The following SPIN4 variants were observed in gnomAD, a reference collection of about 807,000 sequenced individuals.
The protein encoded by SPIN4 is spindlin family member 4, also known as spindlin-4.
SPIN4 carries 4 observed loss-of-function variants against 10.4 expected under a neutral mutation model. The observed-to-expected ratio is 0.38, with a 90% confidence interval of 0.19 to 0.88. SPIN4 has a LOEUF of 0.88. Among genes scored for constraint, SPIN4 ranks in the 40% least tolerant of loss-of-function variants. The pLI is 0.40. For synonymous variants in SPIN4, 71 were observed against 78.4 expected (o/e 0.91, Z 0.50); for missense variants, 126 against 198.7 (o/e 0.63, Z 2.20).
chrX:63,348,562 T>G lies in SPIN4; in HGVS notation c.*1508A>C, dbSNP rs1932960749. 9.1e-6 allele frequency: 1 copy of G among 110,134 alleles called. No homozygotes were observed. Among genetic ancestry groups the G allele is most frequent in the Non-Finnish European group, 1.9e-5 (1 of 52,645 alleles). The allele number at this position is 110,134 out of a possible 1,213,427, so 9.1% of individuals were successfully genotyped here. On this transcript the variant is annotated 3_prime_UTR_variant, in exon 1 of 1. Coordinates refer to ENST00000374884, the MANE Select transcript of SPIN4 (RefSeq NM_001012968.3). ...TAGAATTTTATTAAAATTCTGCATT[T>G]CATTTTTTCACATGAAAAAATGAAT...
chrX:63,350,860 G>T lies in SPIN4; in HGVS notation c.-41C>A, dbSNP rs782722308. The T allele has an allele frequency of 6.0e-6, 7 of 1,157,353 alleles. No individual in the cohort carries two copies. Among genetic ancestry groups the T allele is most frequent in the Middle Eastern group, 2.4e-4 (1 of 4,108 alleles). Reference sequence around the variant, plus strand: ...AGGGCTTGGGGAAAGCTGCTGCCCTGGTCGATTAAACTGACAAAAAGTCAA... The same window carrying T: ...AGGGCTTGGGGAAAGCTGCTGCCCTTGTCGATTAAACTGACAAAAAGTCAA... On this transcript the variant is annotated 5_prime_UTR_variant, in exon 1 of 1. Transcript: ENST00000374884.
In SPIN4 at chrX:63,347,581, A is replaced by T. The variant is rs1248765672; in HGVS notation, c.*2489T>A. 1 of 111,719 alleles carries T rather than the reference A, an allele frequency of 9.0e-6. No homozygotes were observed. The highest frequency in any genetic ancestry group is 1.9e-5 in the Non-Finnish European group (1 of 52,926). 9.2% of individuals were successfully genotyped at this position (111,719 alleles called of 1,213,427 possible). A position where few individuals can be genotyped will look rare whatever the true frequency, so the allele number is the denominator to read the frequency against. On this transcript the variant is annotated 3_prime_UTR_variant, in exon 1 of 1. Coordinates refer to ENST00000374884, the MANE Select transcript of SPIN4 (RefSeq NM_001012968.3). ...CCAGACCACAGGAAAAAAATTGAAAACTCACATATTCATATTTTTTTAAAG... is the reference window on the plus strand; with the variant it reads ...CCAGACCACAGGAAAAAAATTGAAATCTCACATATTCATATTTTTTTAAAG...
chrX:63,351,049 C>G lies in SPIN4; in HGVS notation c.-230G>C. The G allele has an allele frequency of 2.7e-6, 1 of 364,221 alleles. No individual in the cohort carries two copies. Among genetic ancestry groups the G allele is most frequent in the Non-Finnish European group, 4.8e-6 (1 of 207,817 alleles). 30.0% of individuals were successfully genotyped at this position (364,221 alleles called of 1,213,427 possible). A position where few individuals can be genotyped will look rare whatever the true frequency, so the allele number is the denominator to read the frequency against. ...TCTCCACAGTGCTTTCCTCTCTCGC[C>G]CTAGAAGGGTTACTGCAGCAGTGGC... is the stretch of plus-strand genomic sequence containing the variant. On this transcript the variant is annotated 5_prime_UTR_variant, in exon 1 of 1. Transcript: ENST00000374884.
Position 63,347,427 on chromosome X carries a change from T to A in SPIN4, c.*2643A>T, listed in dbSNP as rs1162724603. Reference sequence around the variant, plus strand: ...TTAATAAAAAGCCTGAATAAACCAATAACTATTAAAGAAATCACAAAGCTG... The same window carrying A: ...TTAATAAAAAGCCTGAATAAACCAAAAACTATTAAAGAAATCACAAAGCTG... On this transcript the variant is annotated 3_prime_UTR_variant, in exon 1 of 1. Coordinates refer to ENST00000374884, the MANE Select transcript of SPIN4 (RefSeq NM_001012968.3). 1 of 111,752 alleles carries A rather than the reference T, an allele frequency of 8.9e-6. No homozygotes were observed. The highest frequency in any genetic ancestry group is 1.9e-5 in the Non-Finnish European group (1 of 53,048). The allele number at this position is 111,752 out of a possible 1,213,427, so 9.2% of individuals were successfully genotyped here. A position where few individuals can be genotyped will look rare whatever the true frequency, so the allele number is the denominator to read the frequency against.
rs1169221111 is a variant in SPIN4 at position 63,350,678 on chromosome X, C to A, written c.142G>T (p.Gly48Cys). The change falls in exon 1 of 1, where the codon GGC becomes TGC. Residue 48 changes from glycine (G) to cysteine (C), a missense_variant. Coordinates refer to ENST00000374884, the MANE Select transcript of SPIN4 (RefSeq NM_001012968.3). ...ACTGGCTCGTTGCCTTCCTTCCAGC[C>A]GTGTTGAATGCGGCAGCCCACGATG... ...RNIVGCRIQHGWKEGNEPVEQ... is the reference protein window; with the variant it reads ...RNIVGCRIQHCWKEGNEPVEQ... 1.7e-6 allele frequency: 2 copies of A among 1,211,541 alleles called. No homozygotes were observed. The highest frequency in any genetic ancestry group is 2.2e-6 in the Non-Finnish European group (2 of 895,378).
Position 63,349,939 on chromosome X carries a change from G to C in SPIN4, c.*131C>G. Reference sequence around the variant, plus strand: ...TGTGAAACTAGTCAAGGTAAGATTTGTTGGCACAATAAAATTTATCCACTT... The same window carrying C: ...TGTGAAACTAGTCAAGGTAAGATTTCTTGGCACAATAAAATTTATCCACTT... On this transcript the variant is annotated 3_prime_UTR_variant, in exon 1 of 1. Transcript: ENST00000374884. 1 of 739,737 alleles carries C rather than the reference G, an allele frequency of 1.4e-6. No homozygotes were observed. The highest frequency in any genetic ancestry group is 1.9e-6 in the Non-Finnish European group (1 of 529,914). The allele number at this position is 739,737 out of a possible 1,213,427, so 61.0% of individuals were successfully genotyped here.
Position 63,350,646 on chromosome X carries a change from C to T in SPIN4, c.174G>A (p.Gln58=). Reference sequence around the variant, plus strand: ...CCTGCTCGAGCACAGTACCCTTCCACTGCTCCACTGGCTCGTTGCCTTCCT... The same window carrying T: ...CCTGCTCGAGCACAGTACCCTTCCATTGCTCCACTGGCTCGTTGCCTTCCT... ...GWKEGNEPVE[Q]WKGTVLEQVS... Residue 58 remains glutamine, a synonymous_variant, in exon 1 of 1, where the codon CAG becomes CAA. Transcript: ENST00000374884. 8.3e-7 allele frequency: 1 copy of T among 1,211,552 alleles called. No homozygotes were observed. The highest frequency in any genetic ancestry group is 1.1e-6 in the Non-Finnish European group (1 of 895,300).
chrX:63,350,290 C>T lies in SPIN4; in HGVS notation c.530G>A (p.Arg177His), dbSNP rs782089723. 1.7e-6 allele frequency: 2 copies of T among 1,211,120 alleles called. No individual in the cohort carries two copies. Among genetic ancestry groups the T allele is most frequent in the Admixed American group, 2.2e-5 (1 of 45,940 alleles). The change falls in exon 1 of 1, where the codon CGC becomes CAC. Residue 177 changes from arginine (R) to histidine (H), a missense_variant. Physicochemically the swap from Arg to His is conservative, Grantham distance 29 (BLOSUM62 0). Coordinates refer to ENST00000374884, the MANE Select transcript of SPIN4 (RefSeq NM_001012968.3). ...LLDDYKDGDL[R>H]IIPDSNYYFP... Reference sequence around the variant, plus strand: ...ATAGTAGTTGGAATCTGGAATAATGCGTAAGTCACCATCTTTGTAGTCATC... The same window carrying T: ...ATAGTAGTTGGAATCTGGAATAATGTGTAAGTCACCATCTTTGTAGTCATC...
chrX:63,350,952 G>T lies in SPIN4; in HGVS notation c.-133C>A. On this transcript the variant is annotated 5_prime_UTR_variant, in exon 1 of 1. Coordinates refer to ENST00000374884, the MANE Select transcript of SPIN4 (RefSeq NM_001012968.3). ...ACCTGGTCTGTGCTCCCTTCTCCAA[G>T]TGCAAGGCTCTCACCAAGGTTTTGG... 1 of 825,659 alleles carries T rather than the reference G, an allele frequency of 1.2e-6. No homozygotes were observed. Among genetic ancestry groups the T allele is most frequent in the Non-Finnish European group, 1.7e-6 (1 of 598,343 alleles). The allele number at this position is 825,659 out of a possible 1,213,427, so 68.0% of individuals were successfully genotyped here.
rs1485902991 is a variant in SPIN4 at position 63,348,856 on chromosome X, A to C, written c.*1214T>G. On this transcript the variant is annotated 3_prime_UTR_variant, in exon 1 of 1. Coordinates refer to ENST00000374884, the MANE Select transcript of SPIN4 (RefSeq NM_001012968.3). ...TAAAAATAATAAAGTTATTAGAAGA[A>C]AATGTAGGTGAATATTTGTATGACT... The C allele has an allele frequency of 8.9e-6, 1 of 111,785 alleles. No homozygotes were observed. Among genetic ancestry groups the C allele is most frequent in the African/African-American group, 3.2e-5 (1 of 30,891 alleles). The allele number at this position is 111,785 out of a possible 1,213,427, so 9.2% of individuals were successfully genotyped here.
Position 63,348,476 on chromosome X carries a change from T to C in SPIN4, c.*1594A>G, listed in dbSNP as rs1461837523. ...GACTCTTGAGTGCTAAGATTTAATA[T>C]TATTAAAGAGCCCTCTAAACAAAAA... On this transcript the variant is annotated 3_prime_UTR_variant, in exon 1 of 1. Transcript: ENST00000374884. 1.1e-4 allele frequency: 12 copies of C among 111,132 alleles called. No homozygotes were observed. The highest frequency in any genetic ancestry group is 3.6e-4 in the African/African-American group (11 of 30,670). The allele number at this position is 111,132 out of a possible 1,213,427, so 9.2% of individuals were successfully genotyped here. A position where few individuals can be genotyped will look rare whatever the true frequency, so the allele number is the denominator to read the frequency against.
Position 63,350,786 on chromosome X carries a change from C to G in SPIN4, c.34G>C (p.Asp12His), listed in dbSNP as rs1932987619. Residue 12 changes from aspartate to histidine, a missense_variant, in exon 1 of 1, where the codon GAT (aspartate) becomes CAT (histidine). Asp to His is a moderately conservative substitution (Grantham distance 81). Coordinates refer to ENST00000374884, the MANE Select transcript of SPIN4 (RefSeq NM_001012968.3). ...TTCATCAGGTATGCGGACACGCCAT[C>G]TACCCCCATCGGAGGCACGGTTGGA... ...SPPTVPPMGVDGVSAYLMKKR... is the reference protein window; with the variant it reads ...SPPTVPPMGVHGVSAYLMKKR... 1 of 1,201,346 alleles carries G rather than the reference C, an allele frequency of 8.3e-7. No individual in the cohort carries two copies. Among genetic ancestry groups the G allele is most frequent in the African/African-American group, 1.8e-5 (1 of 57,107 alleles).
chrX:63,350,020 A>G lies in SPIN4; in HGVS notation c.*50T>C. On this transcript the variant is annotated 3_prime_UTR_variant, in exon 1 of 1. Transcript: ENST00000374884. ...TGCGTTCACAACTACGAGAACACAA[A>G]ATAATTCACATCTAACAGATCCACA... 8.8e-7 allele frequency: 1 copy of G among 1,135,743 alleles called. No homozygotes were observed. Among genetic ancestry groups the G allele is most frequent in the South Asian group, 2.1e-5 (1 of 46,597 alleles). The allele number at this position is 1,135,743 out of a possible 1,213,427, so 93.6% of individuals were successfully genotyped here.
At position 63,350,978 on chromosome X, in the gene SPIN4, C is replaced by T; in HGVS notation, c.-159G>A. ...TGCAAGGCTCTCACCAAGGTTTTGGCAGAAACGCTCGAACTCTAACCGTGA... is the reference window on the plus strand; with the variant it reads ...TGCAAGGCTCTCACCAAGGTTTTGGTAGAAACGCTCGAACTCTAACCGTGA... On this transcript the variant is annotated 5_prime_UTR_variant, in exon 1 of 1. Coordinates refer to ENST00000374884, the MANE Select transcript of SPIN4 (RefSeq NM_001012968.3). The T allele has an allele frequency of 1.6e-6, 1 of 632,207 alleles. No individual in the cohort carries two copies. Among genetic ancestry groups the T allele is most frequent in the Non-Finnish European group, 2.4e-6 (1 of 425,414 alleles). 52.1% of individuals were successfully genotyped at this position (632,207 alleles called of 1,213,427 possible).
Position 63,347,643 on chromosome X carries a change from G to C in SPIN4, c.*2427C>G, listed in dbSNP as rs1368575944. 7 of 111,373 alleles carry C rather than the reference G, an allele frequency of 6.3e-5. No homozygotes were observed. The highest frequency in any genetic ancestry group is 2.0e-4 in the African/African-American group (6 of 30,735). 9.2% of individuals were successfully genotyped at this position (111,373 alleles called of 1,213,427 possible). On this transcript the variant is annotated 3_prime_UTR_variant, in exon 1 of 1. Coordinates refer to ENST00000374884, the MANE Select transcript of SPIN4 (RefSeq NM_001012968.3). ...TCAATAACAAAACTTGATAAAGATA[G>C]CATCAGAAGGACAAAATACAATTTT...
rs781878273 is a variant in SPIN4 at position 63,350,731 on chromosome X, C to T, written c.89G>A (p.Arg30His). The change falls in exon 1 of 1, where the codon CGC (arginine) becomes CAC (histidine). Residue 30 changes from arginine to histidine, a missense_variant. Transcript: ENST00000374884. ...KKRHTHRKQR[R>H]KPTFLTRRNI... is the part of the protein sequence containing the mutation. ...CCTACGAGTGAGGAAAGTGGGCTTGCGCCGTTGCTTCCTGTGGGTGTGCCT... is the reference window on the plus strand; with the variant it reads ...CCTACGAGTGAGGAAAGTGGGCTTGTGCCGTTGCTTCCTGTGGGTGTGCCT... 8.3e-7 allele frequency: 1 copy of T among 1,211,318 alleles called. No homozygotes were observed. Among genetic ancestry groups the T allele is most frequent in the Non-Finnish European group, 1.1e-6 (1 of 895,309 alleles).
chrX:63,349,900 A>G lies in SPIN4; in HGVS notation c.*170T>C. On this transcript the variant is annotated 3_prime_UTR_variant, in exon 1 of 1. Transcript: ENST00000374884. ...GGCAATATCAAAAGTAGCAAAGTAC[A>G]CTTGAGGCAAAATTGTGAAACTAGT... 2.0e-6 allele frequency: 1 copy of G among 501,055 alleles called. No individual in the cohort carries two copies. Among genetic ancestry groups the G allele is most frequent in the East Asian group, 3.7e-5 (1 of 26,775 alleles). The allele number at this position is 501,055 out of a possible 1,213,427, so 41.3% of individuals were successfully genotyped here.
At position 63,347,504 on chromosome X, in the gene SPIN4, T is replaced by C. The variant is rs1320193145; in HGVS notation, c.*2566A>G. On this transcript the variant is annotated 3_prime_UTR_variant, in exon 1 of 1. Transcript: ENST00000374884. ...ATCAGGATTAGATTGTTTTACACTT[T>C]GTCCTAGCTAACTTTTAACAAACAA... is the stretch of plus-strand genomic sequence containing the variant. 2 of 112,327 alleles carry C rather than the reference T, an allele frequency of 1.8e-5. No individual in the cohort carries two copies. The highest frequency in any genetic ancestry group is 3.8e-5 in the Non-Finnish European group (2 of 53,177). The allele number at this position is 112,327 out of a possible 1,213,427, so 9.3% of individuals were successfully genotyped here. A position where few individuals can be genotyped will look rare whatever the true frequency, so the allele number is the denominator to read the frequency against.
Position 63,349,962 on chromosome X carries a change from C to CT in SPIN4, c.*107dup, listed in dbSNP as rs1180214769. Reference sequence around the variant, plus strand: ...TTGTTGGCACAATAAAATTTATCCACTTTCCTGAATTTCTGACACCTAAAC... The same window carrying CT: ...TTGTTGGCACAATAAAATTTATCCACTTTTCCTGAATTTCTGACACCTAAAC... On this transcript the variant is annotated 3_prime_UTR_variant, in exon 1 of 1. Coordinates refer to ENST00000374884, the MANE Select transcript of SPIN4 (RefSeq NM_001012968.3). 5.7e-6 allele frequency: 5 copies of CT among 870,096 alleles called. No individual in the cohort carries two copies. Among genetic ancestry groups the CT allele is most frequent in the Admixed American group, 3.7e-5 (1 of 26,963 alleles). The allele number at this position is 870,096 out of a possible 1,213,427, so 71.7% of individuals were successfully genotyped here.
Sources: gnomAD v4.1 joint callset for allele counts on GRCh38, gnomAD v4.1.1 for gene constraint, MANE v1.5 for transcripts, NCBI Gene and HGNC (gene_info 2026-07-23, HGNC 2026-07-21) for gene names.